The following GALNT17 variants were observed in gnomAD, a reference collection of about 807,000 sequenced individuals.
The protein encoded by GALNT17 is polypeptide N-acetylgalactosaminyltransferase 17.
A neutral mutation model predicts 63.7 loss-of-function variants in GALNT17; 29 were observed. The observed-to-expected ratio is 0.46, with a 90% CI of 0.34 to 0.62. The LOEUF is 0.62. GALNT17 is among the 20% of genes least tolerant of loss of function. The probability of loss-of-function intolerance (pLI) is 0.01; values close to 1 mark genes in which losing one functional copy is unlikely to be tolerated. For synonymous variants in GALNT17, 305 were observed against 318.3 expected (o/e 0.96, Z 0.45); for missense variants, 603 against 799.6 (o/e 0.75, Z 2.97).
At chr7:71,629,710 C>T (rs75436973) in intron 6 of GALNT17, among the ~76,000 whole-genome samples, 1,689 of 152,230 alleles carry the variant, frequency 0.011, 11 homozygotes, top group Non-Finnish European at 0.018. Flanking sequence ...TCTTGAACTC[C>T]GGGCCTCAAG....
At chr7:71,284,103 T>G (rs1790827490) in intron 1 of GALNT17, 1 of 152,236 alleles carries the variant, frequency 6.6e-6, no homozygotes, top group African/African-American at 2.4e-5. Flanking sequence ...GTTTTTTCGC[T>G]CTTCACAGTA....
intron 5 of GALNT17, among the ~76,000 whole-genome samples, chr7:71,450,121 A>G (rs900339296): frequency 1.4e-5 from 2 of 142,440 alleles, no homozygotes; most frequent in Non-Finnish European, 3.0e-5. Flanking sequence ...CTGGTTTATT[A>G]GTTGTTAGTA....
intron 9 of GALNT17, among the ~76,000 whole-genome samples, chr7:71,698,202 C>A (rs7788255): frequency 0.14 from 20,690 of 151,722 alleles, 1,620 homozygotes; most frequent in African/African-American, 0.2. Context: ...AAATTATCCC[C>A]AGACATTTTC....
intron 9 of GALNT17, among the ~76,000 whole-genome samples, chr7:71,701,981 C>CT: frequency 6.7e-6 from 1 of 149,212 alleles, no homozygotes. Flanking sequence ...AAATCATATC[C>CT]TTTGCAGCAA....
intron 6 of GALNT17, among the ~76,000 whole-genome samples, chr7:71,618,794 T>C (rs1309178627): frequency 6.6e-6 from 1 of 152,206 alleles, no homozygotes; most frequent in Admixed American, 6.5e-5. Context: ...TCTTTTGCTT[T>C]GCAGAAGCTC....
intron 2 of GALNT17, among the ~76,000 whole-genome samples, chr7:71,369,630 T>C (rs1158567756): frequency 6.6e-6 from 1 of 151,788 alleles, no homozygotes; most frequent in Non-Finnish European, 1.5e-5. Flanking sequence ...CTGGCCAATA[T>C]GGAGAAACCC....
At chr7:71,219,222 A>C (rs1360847090) in intron 1 of GALNT17, among the ~76,000 whole-genome samples, 1 of 152,184 alleles carries the variant, frequency 6.6e-6, no homozygotes, top group African/African-American at 2.4e-5. Context: ...AATTCTTCCA[A>C]GGGGGTGGAG....
intron 1 of GALNT17, among the ~76,000 whole-genome samples, chr7:71,294,440 A>T (rs1583836615): frequency 2.0e-5 from 2 of 99,414 alleles, no homozygotes; most frequent in East Asian, 6.5e-4. Context: ...TTTGAGATGG[A>T]GTCTTGCTCT....
At chr7:71,704,023 T>A (rs1427188732) in intron 9 of GALNT17, among the ~76,000 whole-genome samples, 3 of 152,116 alleles carry the variant, frequency 2.0e-5, no homozygotes, top group Non-Finnish European at 4.4e-5. Context: ...GAGAGTCACA[T>A]GAGGCAAATG....
chr7:71,490,675 G>A (rs1787991499), intron 5 of GALNT17, among the ~76,000 whole-genome samples: 1 of 152,120 alleles, frequency 6.6e-6, no homozygotes, highest in African/African-American at 2.4e-5. Flanking sequence ...TGAGGCAGGA[G>A]AATCCCTTGA....
chr7:71,671,028 T>C (rs1327583747), intron 8 of GALNT17, among the ~76,000 whole-genome samples: 3 of 152,212 alleles, frequency 2.0e-5, no homozygotes. Context: ...ATGGAGGATA[T>C]ATAAGTGTAT....
chr7:71,335,720 T>G lies in GALNT17; in HGVS notation c.409T>G (p.Tyr137Asp), dbSNP rs1424176371. Residue 137 changes from tyrosine to aspartate, a missense_variant, in exon 2 of 11, where the codon TAT becomes GAT. By Grantham distance (160) the Tyr-to-Asp change is radical (BLOSUM62 -3). Around this residue, in one of 3 missense-constraint regions of GALNT17, gnomAD observed 195 missense variants for 215.0 expected, o/e 0.91. Transcript: ENST00000333538. Reference sequence around the variant, plus strand: ...TTCACTGGACCGTTCCATTCCGGATTATCGTCCCACCAAGTAAGTTCTGGT... The same window carrying G: ...TTCACTGGACCGTTCCATTCCGGATGATCGTCCCACCAAGTAAGTTCTGGT... ...KISLDRSIPD[Y>D]RPTKCKELKY... 6.2e-7 allele frequency: 1 copy of G among 1,603,730 alleles called. No individual in the cohort carries two copies. Among genetic ancestry groups the G allele is most frequent in the Non-Finnish European group, 8.5e-7 (1 of 1,174,550 alleles).
Position 71,692,593 on chromosome 7 carries a change from T to TGTTGA in GALNT17, c.1500+15288_1500+15292dup, listed in dbSNP as rs1449528621. The stretch of plus-strand genomic sequence containing the variant: ...GATTTCTCCTTGGGACAGTAGTATC[T>TGTTGA]GTTGAATGATTATTTTCAGTAAGTT... On this transcript the variant is annotated intron_variant, in intron 9 of 10. Transcript: ENST00000333538. 2.0e-5 allele frequency among the ~76,000 whole-genome samples: 3 copies of TGTTGA among 152,236 alleles called. No homozygotes were observed. The East Asian group carries it at 5.8e-4, about 30-fold the overall frequency.
chr7:71,221,387 T>C lies in GALNT17; in HGVS notation c.238+88347T>C, dbSNP rs1469587870. On this transcript the variant is annotated intron_variant, in intron 1 of 10. Coordinates refer to ENST00000333538, the MANE Select transcript of GALNT17 (RefSeq NM_022479.3). ...TTATACAGAATTACAGCCATGCTTT[T>C]TTTTTTTTTTTTTTTTTTTCCAACC... Among the ~76,000 whole-genome samples, 5 of 73,012 alleles carry C rather than the reference T, an allele frequency of 6.8e-5. No homozygotes were observed. In the Admixed American group the frequency reaches 6.9e-4, roughly 10 times the overall value. The allele number at this position is 73,012 out of a possible 152,430, so 47.9% of individuals were successfully genotyped here.
At chr7:71,231,792 GTCTCTTCTT>G (rs1261695013) in intron 1 of GALNT17, among the ~76,000 whole-genome samples, 1 of 151,646 alleles carries the variant, frequency 6.6e-6, no homozygotes, top group African/African-American at 2.4e-5. Context: ...GCGCTTTCTA[GTCTCTTCTT>G]TCTCTTCTTA....
At chr7:71,209,068 TAAAC>T (rs1333618562) in intron 1 of GALNT17, among the ~76,000 whole-genome samples, 2 of 152,230 alleles carry the variant, frequency 1.3e-5, no homozygotes, top group African/African-American at 2.4e-5. Flanking sequence ...AGACACCTCA[TAAAC>T]AAATGAGTGT....
chr7:71,611,354 G>A (rs1206025679), intron 6 of GALNT17, among the ~76,000 whole-genome samples: 1 of 152,150 alleles, frequency 6.6e-6, no homozygotes, highest in African/African-American at 2.4e-5. Context: ...TTAAGATCCA[G>A]CCCAGTGTTA....
At chr7:71,348,981 C>G (rs954320811) in intron 2 of GALNT17, among the ~76,000 whole-genome samples, 1 of 152,206 alleles carries the variant, frequency 6.6e-6, no homozygotes, top group Non-Finnish European at 1.5e-5. Flanking sequence ...ACAAGGAAAC[C>G]CAAGCTGGTT....
rs745473661 is a variant in GALNT17 at position 71,710,961 on chromosome 7, A to C, written c.1668+33A>C. The C allele has an allele frequency of 2.5e-6, 4 of 1,606,260 alleles. No individual in the cohort carries two copies. The Admixed American group carries it at 5.0e-5, about 20-fold the overall frequency. On this transcript the variant is annotated intron_variant, in intron 10 of 10. Transcript: ENST00000333538. ...CTGTATGGACAGAGCCAGCACCCAG[A>C]GTAGCTGCAAGAGGCTGCAGACCAC...
Sources: gnomAD v4.1 joint callset for allele counts (sites outside exome capture counted in the v4.1 genomes callset) on GRCh38, gnomAD v4.1.1 for gene constraint, gnomAD v4.1.1 regional missense constraint, MANE v1.5 for transcripts, NCBI Gene and HGNC (gene_info 2026-07-23, HGNC 2026-07-21) for gene names.